Variants in PDS5A observed in about 807,000 individuals in gnomAD.
The protein encoded by PDS5A is sister chromatid cohesion protein PDS5 homolog A.
A neutral mutation model predicts 167.1 loss-of-function variants in PDS5A; 42 were observed. The ratio of observed to expected loss-of-function variants is 0.25; its 90% CI spans 0.20 to 0.33. The LOEUF is 0.33. PDS5A is among the 10% of genes least tolerant of loss of function. The pLI, the probability that PDS5A is intolerant of heterozygous loss-of-function variation, is 1.00. For synonymous variants in PDS5A, 553 were observed against 554.6 expected, an observed-to-expected ratio of 1.00 and a Z score of 0.04; for missense variants, 1,033 against 1,605.9, an observed-to-expected ratio of 0.64 and a Z score of 6.10.
chr4:39,926,688 C>A, intron 4 of PDS5A, 87 bp downstream of exon 4: 2 of 894,324 alleles, frequency 2.2e-6, no homozygotes, highest in Non-Finnish European at 3.2e-6. Flanking sequence ...ATAAAATAAA[C>A]ACTCATTTTA....
intron 2 of PDS5A, among the ~76,000 whole-genome samples, chr4:39,956,886 A>C (rs531849127): frequency 1.2e-4 from 19 of 152,230 alleles, no homozygotes; most frequent in African/African-American, 4.6e-4. Context: ...TGCCCGCGCT[A>C]GTCTCAAACT....
At chr4:39,914,113 T>C (rs1178586557) in intron 8 of PDS5A, among the ~76,000 whole-genome samples, 3 of 151,994 alleles carry the variant, frequency 2.0e-5, no homozygotes, top group Non-Finnish European at 2.9e-5. Flanking sequence ...ATCTGCAATT[T>C]ACGTTCCAAC....
chr4:39,947,455 A>G (rs369965955), intron 2 of PDS5A, among the ~76,000 whole-genome samples: 126 of 150,438 alleles, frequency 8.4e-4, no homozygotes, highest in African/African-American at 2.9e-3. Flanking sequence ...GAAAGGGGGG[A>G]AAAAAAAGAG....
At chr4:39,873,256 C>T in intron 20 of PDS5A, 112 bp from the exon 21 acceptor site, 1 of 511,548 alleles carries the variant, frequency 2.0e-6, no homozygotes. Context: ...CCAAACCAAT[C>T]TTCTCTAATA....
In PDS5A at chr4:39,849,668, T is replaced by G. The variant is rs984181630; in HGVS notation, c.3087-16A>C. 2.5e-6 allele frequency: 4 copies of G among 1,590,672 alleles called. No homozygotes were observed. The highest frequency in any genetic ancestry group is 2.6e-6 in the Non-Finnish European group (3 of 1,160,516). ...CCATAGGCACCTAAATGTAAACATA[T>G]TAAAGAGACTAGACGTAGATAGATG... On this transcript the variant is annotated splice_polypyrimidine_tract_variant and intron_variant, in intron 26 of 32. Transcript: ENST00000303538.
At chr4:39,966,359 C>T (rs185852154) in intron 2 of PDS5A, among the ~76,000 whole-genome samples, 84 of 152,260 alleles carry the variant, frequency 5.5e-4, no homozygotes, top group African/African-American at 1.9e-3. Context: ...GGCCGTCCTG[C>T]CCTTAATCTG....
intron 8 of PDS5A, among the ~76,000 whole-genome samples, chr4:39,916,186 C>T (rs570542932): frequency 1.1e-4 from 14 of 126,530 alleles, no homozygotes; most frequent in South Asian, 3.1e-4. Flanking sequence ...AGCAAGACTC[C>T]GTCTCAAAAA....
chr4:39,917,167 G>C lies in PDS5A; in HGVS notation c.757C>G (p.Leu253Val). Residue 253 changes from leucine (L) to valine (V), a missense_variant, in exon 8 of 33, where the codon CTG (leucine) becomes GTG (valine). Physicochemically the swap from Leu to Val is conservative, Grantham distance 32. Around this residue, in one of 4 missense-constraint regions of PDS5A, gnomAD observed 388 missense variants for 615.1 expected, o/e 0.63. Coordinates refer to ENST00000303538, the MANE Select transcript of PDS5A (RefSeq NM_001100399.2). ...IANFFNQVLVLGRSSVSDLSE... is the reference protein window; with the variant it reads ...IANFFNQVLVVGRSSVSDLSE... ...AAATCACTTACTGATGATCTTCCCA[G>C]CACCAGGACTTGATTGAAAAACTGT... 1 of 1,556,018 alleles carries C rather than the reference G, an allele frequency of 6.4e-7. No individual in the cohort carries two copies. Among genetic ancestry groups the C allele is most frequent in the Non-Finnish European group, 8.6e-7 (1 of 1,158,822 alleles).
At position 39,869,554 on chromosome 4, in the gene PDS5A, C is replaced by G. The variant is rs1282814754; in HGVS notation, c.2437-92G>C. 5.2e-6 allele frequency: 4 copies of G among 770,696 alleles called. No homozygotes were observed. The East Asian group carries it at 9.8e-5, about 19-fold the overall frequency. The allele number at this position is 770,696 out of a possible 1,614,324, so 47.7% of individuals were successfully genotyped here. On this transcript the variant is annotated intron_variant, in intron 21 of 32. Transcript: ENST00000303538. ...TTTTTCATGTTGATCAACACAGCCT[C>G]TGAGAAACCTACGGGAACATCACCA...
chr4:39,962,858 A>C (rs1339243332), intron 2 of PDS5A, among the ~76,000 whole-genome samples: 1 of 152,152 alleles, frequency 6.6e-6, no homozygotes, highest in Non-Finnish European at 1.5e-5. Context: ...GCTACTTTGG[A>C]GGCTGAGGCA....
Position 39,883,098 on chromosome 4 carries a change from TCTG to T in PDS5A, c.1887-3268_1887-3266del, listed in dbSNP as rs1489983892. On this transcript the variant is annotated intron_variant, in intron 17 of 32. Coordinates refer to ENST00000303538, the MANE Select transcript of PDS5A (RefSeq NM_001100399.2). ...TAGGTTAAGATGTCCTTCTTCTTGC[TCTG>T]CTTCCTTAGGAATGCTGCTCCCTCA... 6.6e-5 allele frequency among the ~76,000 whole-genome samples: 10 copies of T among 152,340 alleles called. No homozygotes were observed. The South Asian group carries it at 2.1e-3, about 32-fold the overall frequency.
chr4:39,842,938 T>TATATATATATATATATATATATATATA (rs1349599395), intron 30 of PDS5A, among the ~76,000 whole-genome samples: 83 of 133,010 alleles, frequency 6.2e-4, no homozygotes, highest in African/African-American at 1.3e-3. Flanking sequence ...TATATATATA[T>TATATATATATATATATATATATATATA]TTTAAGAGAC....
chr4:39,869,049 G>A (rs900398891), intron 22 of PDS5A, among the ~76,000 whole-genome samples: 1 of 152,120 alleles, frequency 6.6e-6, no homozygotes, highest in African/African-American at 2.4e-5. Flanking sequence ...GATTGCTTTA[G>A]CAGGCAGAAG....
At chr4:39,935,175 A>G (rs971195867) in intron 2 of PDS5A, among the ~76,000 whole-genome samples, 3 of 152,174 alleles carry the variant, frequency 2.0e-5, no homozygotes, top group Admixed American at 1.3e-4. Context: ...TCTGTTGCCT[A>G]GGCTGGAGTG....
intron 2 of PDS5A, among the ~76,000 whole-genome samples, chr4:39,945,383 C>G (rs1371029532): frequency 6.7e-6 from 1 of 149,920 alleles, no homozygotes; most frequent in African/African-American, 2.5e-5. Context: ...ATGGCATGAA[C>G]CCGGGAAGTG....
At chr4:39,942,529 C>T (rs1005423781) in intron 2 of PDS5A, among the ~76,000 whole-genome samples, 4 of 152,150 alleles carry the variant, frequency 2.6e-5, no homozygotes, top group African/African-American at 9.7e-5. Flanking sequence ...CAGGTCACTA[C>T]AGCCTTAAGC....
At chr4:39,971,111 A>G (rs543152211) in intron 2 of PDS5A, among the ~76,000 whole-genome samples, 11 of 150,416 alleles carry the variant, frequency 7.3e-5, no homozygotes, top group African/African-American at 2.5e-4. Flanking sequence ...ACAGGACCAA[A>G]CACCGCTGAA....
chr4:39,966,125 C>T (rs1447409380), intron 2 of PDS5A, among the ~76,000 whole-genome samples: 2 of 152,076 alleles, frequency 1.3e-5, no homozygotes, highest in Non-Finnish European at 2.9e-5. Context: ...GAAATCTTGC[C>T]TCCCCATTTA....
At chr4:39,969,150 A>G (rs543381314) in intron 2 of PDS5A, among the ~76,000 whole-genome samples, 1 of 152,334 alleles carries the variant, frequency 6.6e-6, no homozygotes, top group East Asian at 1.9e-4. Context: ...TATGGTTTTA[A>G]TATTTGTCAA....
Sources: gnomAD v4.1 joint callset for allele counts (sites outside exome capture counted in the v4.1 genomes callset) on GRCh38, gnomAD v4.1.1 for gene constraint, gnomAD v4.1.1 regional missense constraint, MANE v1.5 for transcripts, NCBI Gene and HGNC (gene_info 2026-07-23, HGNC 2026-07-21) for gene names.